The following EXOC6B variants were observed in gnomAD, a reference collection of about 807,000 sequenced individuals.
EXOC6B encodes the protein SEC15 homolog B.
Under a neutral mutation model 113.5 loss-of-function variants are expected in EXOC6B, and 54 were observed. The observed-to-expected ratio is 0.48, with a 90% CI of 0.38 to 0.60. The LOEUF (loss-of-function observed/expected upper bound fraction) is 0.60. EXOC6B is among the 20% of genes least tolerant of loss of function. The probability of loss-of-function intolerance (pLI) is 0.00; values close to 1 mark genes in which losing one functional copy is unlikely to be tolerated. For synonymous variants in EXOC6B, 357 were observed against 339.0 expected (o/e 1.05, Z -0.58); for missense variants, 797 against 977.5 (o/e 0.82, Z 2.46).
At chr2:72,329,779 T>A (rs1032774227) in intron 20 of EXOC6B, among the ~76,000 whole-genome samples, 1 of 152,076 alleles carries the variant, frequency 6.6e-6, no homozygotes, top group South Asian at 2.1e-4. Flanking sequence ...AAGGTACGGG[T>A]TTTACCTCTA....
intron 8 of EXOC6B, among the ~76,000 whole-genome samples, chr2:72,549,510 G>T (rs563499197): frequency 1.1e-4 from 16 of 152,298 alleles, no homozygotes; most frequent in African/African-American, 3.6e-4. Context: ...TCTGGCTGGT[G>T]ACTACATAGA....
Position 72,473,617 on chromosome 2 carries a change from TC to T in EXOC6B, c.1800+6998del, listed in dbSNP as rs1216445452. On this transcript the variant is annotated intron_variant, in intron 17 of 21. Transcript: ENST00000272427. ...AGCATATGGCTAGATCATGTTTTTT[TC>T]ATCCATTCAACCAGTCTATATATTT... Among the ~76,000 whole-genome samples, 5 of 152,236 alleles carry T rather than the reference TC, an allele frequency of 3.3e-5. No individual in the cohort carries two copies. In the South Asian group the frequency reaches 6.2e-4, roughly 19 times the overall value.
intron 20 of EXOC6B, among the ~76,000 whole-genome samples, chr2:72,272,632 A>G (rs1684562844): frequency 6.6e-6 from 1 of 152,130 alleles, no homozygotes; most frequent in African/African-American, 2.4e-5. Context: ...CTGCTTAGAG[A>G]GCCCTGGAGA....
intron 18 of EXOC6B, among the ~76,000 whole-genome samples, chr2:72,429,707 G>A (rs946351711): frequency 6.6e-6 from 1 of 152,170 alleles, no homozygotes. Flanking sequence ...TATGAGAGGG[G>A]GAACACTACT....
rs552522554 is a variant in EXOC6B at position 72,367,130 on chromosome 2, TAAC to T, written c.2122+12596_2122+12598del. Reference sequence around the variant, plus strand: ...ATAGACTATGTAGAAGTAATATGTATAACAACAATAGCACAAACAAAGGACAAA... The same window carrying T: ...ATAGACTATGTAGAAGTAATATGTATAACAATAGCACAAACAAAGGACAAA... On this transcript the variant is annotated intron_variant, in intron 19 of 21. Transcript: ENST00000272427. Among the ~76,000 whole-genome samples the T allele has an allele frequency of 2.8e-4, 42 of 152,140 alleles. No individual in the cohort carries two copies. The South Asian group carries it at 8.7e-3, about 32-fold the overall frequency.
intron 6 of EXOC6B, among the ~76,000 whole-genome samples, chr2:72,711,091 T>C (rs1558939822): frequency 6.6e-6 from 1 of 152,184 alleles, no homozygotes. Flanking sequence ...TCTTCTCTCC[T>C]GTACAAATCA....
intron 6 of EXOC6B, among the ~76,000 whole-genome samples, chr2:72,694,677 A>G (rs1012119490): frequency 6.6e-6 from 1 of 152,204 alleles, no homozygotes; most frequent in Non-Finnish European, 1.5e-5. Flanking sequence ...TTTCTTTTGC[A>G]TTAAAATGCC....
At chr2:72,361,201 T>C (rs1230015055) in intron 19 of EXOC6B, among the ~76,000 whole-genome samples, 1 of 152,208 alleles carries the variant, frequency 6.6e-6, no homozygotes, top group Non-Finnish European at 1.5e-5. Context: ...TGCGTGGTTA[T>C]GCATTTTGCA....
chr2:72,532,341 C>G (rs541060389), intron 8 of EXOC6B, among the ~76,000 whole-genome samples: 1 of 152,180 alleles, frequency 6.6e-6, no homozygotes, highest in Non-Finnish European at 1.5e-5. Context: ...GAAAACAATA[C>G]AATACCCAGT....
At chr2:72,447,925 G>C (rs1696686046) in intron 18 of EXOC6B, among the ~76,000 whole-genome samples, 1 of 152,092 alleles carries the variant, frequency 6.6e-6, no homozygotes, top group Non-Finnish European at 1.5e-5. Flanking sequence ...TAGAACATTT[G>C]CTAAATGATT....
intron 6 of EXOC6B, among the ~76,000 whole-genome samples, chr2:72,697,478 G>C (rs1347334206): frequency 6.6e-6 from 1 of 152,028 alleles, no homozygotes; most frequent in Non-Finnish European, 1.5e-5. Flanking sequence ...TTGAACTCAG[G>C]AGTTCAAGAC....
chr2:72,518,256 T>G (rs1427510726), intron 8 of EXOC6B, among the ~76,000 whole-genome samples: 1 of 152,156 alleles, frequency 6.6e-6, no homozygotes, highest in African/African-American at 2.4e-5. Flanking sequence ...CAAGTAAAAC[T>G]TGGATTTTTT....
At chr2:72,542,446 G>A (rs1029777102) in intron 8 of EXOC6B, among the ~76,000 whole-genome samples, 2 of 152,180 alleles carry the variant, frequency 1.3e-5, no homozygotes, top group African/African-American at 4.8e-5. Flanking sequence ...TTCACCTCTA[G>A]ATTGTTGGTT....
At chr2:72,401,589 A>ATATG (rs1693259993) in intron 18 of EXOC6B, among the ~76,000 whole-genome samples, 3 of 42,636 alleles carry the variant, frequency 7.0e-5, no homozygotes, top group Non-Finnish European at 1.1e-4. Flanking sequence ...ATACATATAT[A>ATATG]TATATATATA....
intron 8 of EXOC6B, among the ~76,000 whole-genome samples, chr2:72,552,237 T>C (rs1703275640): frequency 6.6e-6 from 1 of 152,204 alleles, no homozygotes; most frequent in South Asian, 2.1e-4. Context: ...GGCTTACTCT[T>C]AACCTTAAAA....
chr2:72,423,636 A>G (rs1439252017), intron 18 of EXOC6B, among the ~76,000 whole-genome samples: 1 of 152,152 alleles, frequency 6.6e-6, no homozygotes, highest in Non-Finnish European at 1.5e-5. Context: ...TACCACCTCC[A>G]GTGAAAAATA....
chr2:72,193,126 G>A (rs1403408049), intron 20 of EXOC6B, among the ~76,000 whole-genome samples: 1 of 151,896 alleles, frequency 6.6e-6, no homozygotes, highest in Non-Finnish European at 1.5e-5. Context: ...CCTTTTTTTG[G>A]AGGCAGTAGA....
intron 16 of EXOC6B, among the ~76,000 whole-genome samples, chr2:72,491,745 C>T (rs1293599092): frequency 2.0e-5 from 3 of 152,124 alleles, no homozygotes; most frequent in Non-Finnish European, 4.4e-5. Flanking sequence ...CCATAAACCT[C>T]CACAGAAATG....
intron 19 of EXOC6B, among the ~76,000 whole-genome samples, chr2:72,378,633 A>G (rs1242722320): frequency 6.6e-6 from 1 of 152,202 alleles, no homozygotes; most frequent in Non-Finnish European, 1.5e-5. Context: ...TTTTTAAATT[A>G]AAAATAGCAC....
Sources: allele counts gnomAD v4.1 joint callset (sites outside exome capture counted in the v4.1 genomes callset), GRCh38; gene constraint gnomAD v4.1.1; transcripts MANE v1.5; gene names NCBI Gene and HGNC (gene_info 2026-07-23, HGNC 2026-07-21).